Variants in CSMD1 observed in about 807,000 individuals in gnomAD.
CSMD1 encodes the protein CUB and Sushi multiple domains 1.
In CSMD1, 213 loss-of-function variants were observed where a neutral mutation model predicts 417.5. The observed-to-expected ratio is 0.51, with a 90% confidence interval of 0.46 to 0.57. The LOEUF (loss-of-function observed/expected upper bound fraction) is 0.57, where lower values mean the gene tolerates loss of function less well. CSMD1 is among the 20% of genes least tolerant of loss of function. The pLI is 0.00. For synonymous variants in CSMD1, 2,862 were observed against 1,736.8 expected, an observed-to-expected ratio of 1.65 and a Z score of -16.11; for missense variants, 6,923 against 4,529.7, an observed-to-expected ratio of 1.53 and a Z score of -15.17.
At chr8:3,762,617 G>T (rs1021431176) in intron 5 of CSMD1, among the ~76,000 whole-genome samples, 1 of 152,238 alleles carries the variant, frequency 6.6e-6, no homozygotes, top group African/African-American at 2.4e-5. Flanking sequence ...TTGGCCCTAA[G>T]CCGCTCTTGT....
chr8:3,885,406 G>C (rs62480068), intron 5 of CSMD1, among the ~76,000 whole-genome samples: 2 of 151,992 alleles, frequency 1.3e-5, no homozygotes, highest in Admixed American at 6.6e-5. Flanking sequence ...GTAGTTATGA[G>C]GACAATATCC....
chr8:3,331,913 C>T lies in CSMD1; in HGVS notation c.3631+11381G>A, dbSNP rs1297963363. ...TCCTCCAGAGAGAAATTCAGAAGAT[C>T]ATTGTTGACAGGTGACTGATAATAG... On this transcript the variant is annotated intron_variant, in intron 23 of 69. Coordinates refer to ENST00000635120, the MANE Select transcript of CSMD1 (RefSeq NM_033225.6). 2.6e-5 allele frequency among the ~76,000 whole-genome samples: 4 copies of T among 152,200 alleles called. No individual in the cohort carries two copies. In the East Asian group the frequency reaches 7.7e-4, roughly 29 times the overall value.
chr8:4,752,269 C>T (rs1472455018), intron 1 of CSMD1, among the ~76,000 whole-genome samples: 2 of 152,136 alleles, frequency 1.3e-5, no homozygotes, highest in African/African-American at 4.8e-5. Context: ...CTTGACAATA[C>T]AATTTCATTT....
At chr8:4,713,719 A>C (rs1395229439) in intron 1 of CSMD1, among the ~76,000 whole-genome samples, 1 of 152,128 alleles carries the variant, frequency 6.6e-6, no homozygotes, top group African/African-American at 2.4e-5. Context: ...CCTCCTCCCC[A>C]AACCCCAAAC....
intron 1 of CSMD1, among the ~76,000 whole-genome samples, chr8:4,691,875 G>C (rs1474625642): frequency 2.6e-5 from 4 of 152,176 alleles, no homozygotes; most frequent in African/African-American, 2.4e-5. Context: ...ACACACTCCT[G>C]TGATTTGGCA....
intron 6 of CSMD1, among the ~76,000 whole-genome samples, chr8:3,725,549 G>C (rs148835130): frequency 6.9e-4 from 105 of 152,268 alleles, no homozygotes; most frequent in Non-Finnish European, 1.4e-3. Flanking sequence ...CCTCCCATGA[G>C]CTGCTTGTAT....
intron 2 of CSMD1, among the ~76,000 whole-genome samples, chr8:4,477,980 A>C (rs1391401048): frequency 6.6e-6 from 1 of 152,196 alleles, no homozygotes; most frequent in African/African-American, 2.4e-5. Context: ...ATTTCTATCC[A>C]TGCAGAAAAC....
At chr8:4,616,239 A>G (rs908180205) in intron 2 of CSMD1, among the ~76,000 whole-genome samples, 1 of 152,138 alleles carries the variant, frequency 6.6e-6, no homozygotes, top group Admixed American at 6.6e-5. Context: ...TTGAGAATTG[A>G]AAAAAACAAG....
chr8:3,681,856 G>A (rs567089159), intron 7 of CSMD1, among the ~76,000 whole-genome samples: 2 of 152,070 alleles, frequency 1.3e-5, no homozygotes, highest in Admixed American at 6.6e-5. Flanking sequence ...TAGACCAATG[G>A]AACAGAACAG....
At chr8:3,940,895 C>CT (rs397696043) in intron 5 of CSMD1, among the ~76,000 whole-genome samples, 4 of 150,874 alleles carry the variant, frequency 2.7e-5, no homozygotes, top group Admixed American at 6.6e-5. Context: ...CTTCTCCCCC[C>CT]GAGATTATGT....
At chr8:3,978,559 T>C (rs911629107) in intron 5 of CSMD1, among the ~76,000 whole-genome samples, 2 of 152,098 alleles carry the variant, frequency 1.3e-5, no homozygotes, top group African/African-American at 2.4e-5. Flanking sequence ...TTCAAAAATA[T>C]AGATCCTCAT....
chr8:3,366,412 A>G (rs1809569942), intron 20 of CSMD1, among the ~76,000 whole-genome samples: 1 of 152,238 alleles, frequency 6.6e-6, no homozygotes, highest in South Asian at 2.1e-4. Context: ...CTGTCATAGA[A>G]CTATACAAAT....
intron 3 of CSMD1, among the ~76,000 whole-genome samples, chr8:4,340,214 A>G (rs1054139724): frequency 6.6e-6 from 1 of 151,846 alleles, no homozygotes; most frequent in African/African-American, 2.4e-5. Context: ...CGCCAAGAAG[A>G]GCTTGCTATG....
chr8:4,769,495 G>GA (rs1270295412), intron 1 of CSMD1, among the ~76,000 whole-genome samples: 1 of 152,020 alleles, frequency 6.6e-6, no homozygotes. Context: ...TATAACATTT[G>GA]AAAAAAATTA....
At chr8:3,452,442 T>C (rs1815802782) in intron 12 of CSMD1, among the ~76,000 whole-genome samples, 1 of 152,200 alleles carries the variant, frequency 6.6e-6, no homozygotes, top group South Asian at 2.1e-4. Flanking sequence ...AGTATGATAT[T>C]GGCTGTGGGT....
chr8:3,775,298 G>T (rs1321634991), intron 5 of CSMD1, among the ~76,000 whole-genome samples: 1 of 152,188 alleles, frequency 6.6e-6, no homozygotes, highest in Non-Finnish European at 1.5e-5. Flanking sequence ...GTGAACAGAA[G>T]ATGAATCCAG....
chr8:4,819,716 G>C (rs568019338), intron 1 of CSMD1, among the ~76,000 whole-genome samples: 1 of 152,188 alleles, frequency 6.6e-6, no homozygotes, highest in East Asian at 1.9e-4. Context: ...AGTTCTTACA[G>C]ATAAAACCAT....
chr8:4,879,333 G>C (rs1048296862), intron 1 of CSMD1, among the ~76,000 whole-genome samples: 2 of 152,048 alleles, frequency 1.3e-5, no homozygotes, highest in African/African-American at 4.8e-5. Context: ...ATAGGATTAG[G>C]AAGTTAGGAA....
chr8:3,494,198 G>T (rs193190165), intron 10 of CSMD1, among the ~76,000 whole-genome samples: 2 of 152,092 alleles, frequency 1.3e-5, no homozygotes, highest in South Asian at 4.1e-4. Flanking sequence ...AGGATACAAA[G>T]CTCTCCTCTA....
Sources: allele counts gnomAD v4.1 joint callset (sites outside exome capture counted in the v4.1 genomes callset), GRCh38; gene constraint gnomAD v4.1.1; transcripts MANE v1.5; gene names NCBI Gene and HGNC (gene_info 2026-07-23, HGNC 2026-07-21).